STXBP4: variants seen among roughly 807,000 people sequenced by gnomAD.
STXBP4 encodes the protein syntaxin binding protein 4.
In STXBP4, 55 loss-of-function variants were observed where a neutral mutation model predicts 76.1. The observed-to-expected ratio is 0.72, with a 90% CI of 0.58 to 0.91. STXBP4 has a LOEUF of 0.91. Ranked by LOEUF, STXBP4 falls within the 40% of genes least tolerant of loss-of-function variation. The pLI is 0.00. For missense variants in STXBP4, 618 were observed against 636.9 expected (o/e 0.97, Z 0.32); for synonymous variants, 201 against 220.2 (o/e 0.91, Z 0.77).
At chr17:55,183,964 A>G in the STXBP4 span, among the ~76,000 whole-genome samples, 1 of 152,214 alleles carries the variant, frequency 6.6e-6, no homozygotes, top group African/African-American at 2.4e-5. Context: ...AGTTATGGAC[A>G]ATCTGAACAA....
intron 17 of STXBP4, 83 bp downstream of exon 17, chr17:55,141,450 T>A: frequency 8.3e-7 from 1 of 1,200,978 alleles, no homozygotes; most frequent in Non-Finnish European, 1.2e-6. Context: ...TCAGCAAAAC[T>A]AAGAAACCTT....
intron 12 of STXBP4, among the ~76,000 whole-genome samples, chr17:55,055,999 G>C (rs978020380): frequency 1.3e-5 from 2 of 152,128 alleles, no homozygotes; most frequent in African/African-American, 4.8e-5. Context: ...TGGATAAAGG[G>C]ATAAATGGAG....
chr17:55,185,245 T>TCTTCTTCTTCTC, the STXBP4 span, among the ~76,000 whole-genome samples: 6 of 57,910 alleles, frequency 1.0e-4, 2 homozygotes, highest in Non-Finnish European at 1.6e-4. Context: ...TTCTTCTTCT[T>TCTTCTTCTTCTC]CTTCTCCTTC....
chr17:55,057,464 A>G (rs2078941179), intron 12 of STXBP4, among the ~76,000 whole-genome samples: 1 of 152,360 alleles, frequency 6.6e-6, no homozygotes. Context: ...TTCAATATGT[A>G]TCATACAGTG....
chr17:55,056,945 A>G (rs530091940), intron 12 of STXBP4, among the ~76,000 whole-genome samples: 2 of 152,368 alleles, frequency 1.3e-5, no homozygotes, highest in South Asian at 2.1e-4. Flanking sequence ...TTCAGTTTTC[A>G]TAGCCAATTT....
chr17:55,199,491 G>A, the STXBP4 span, among the ~76,000 whole-genome samples: 1 of 152,110 alleles, frequency 6.6e-6, no homozygotes, highest in African/African-American at 2.4e-5. Flanking sequence ...AAAGACCATC[G>A]CCATCGTATT....
chr17:55,057,237 TA>T (rs1179705924), intron 12 of STXBP4, among the ~76,000 whole-genome samples: 1 of 152,258 alleles, frequency 6.6e-6, no homozygotes, highest in African/African-American at 2.4e-5. Context: ...TAATTGGAGT[TA>T]AAAGTACAGA....
At position 55,099,916 on chromosome 17, in the gene STXBP4, G is replaced by A. The variant is rs527760423; in HGVS notation, c.1489+18733G>A. ...TCGAAGATTATACCTTTTTTTCAGA[G>A]CAACACACCTTATAGAAGGGGAATA... On this transcript the variant is annotated intron_variant, in intron 16 of 17. Transcript: ENST00000376352. Among the ~76,000 whole-genome samples, 147 of 152,046 alleles carry A rather than the reference G, an allele frequency of 9.7e-4. 1 individual carries two copies. The highest frequency in any genetic ancestry group is 3.5e-3 in the African/African-American group (145 of 41,506).
At position 55,164,635 on chromosome 17, in the gene STXBP4, G is replaced by A. The variant is rs1472009784; in HGVS notation, c.*4724G>A. 2.7e-5 allele frequency: 4 copies of A among 150,182 alleles called. No individual in the cohort carries two copies. Among genetic ancestry groups the A allele is most frequent in the Admixed American group, 1.3e-4 (2 of 15,110 alleles). The allele number at this position is 150,182 out of a possible 1,614,324, so 9.3% of individuals were successfully genotyped here. A position where few individuals can be genotyped will look rare whatever the true frequency, so the allele number is the denominator to read the frequency against. On this transcript the variant is annotated 3_prime_UTR_variant, in exon 18 of 18. Coordinates refer to ENST00000376352, the MANE Select transcript of STXBP4 (RefSeq NM_178509.6). ...CCGGCTAATTTTTTTTGTATTTTTA[G>A]TAGAGACGGGGTTTCACCTTGTTAG...
At chr17:55,150,784 A>C (rs534642310) in intron 17 of STXBP4, among the ~76,000 whole-genome samples, 1 of 152,154 alleles carries the variant, frequency 6.6e-6, no homozygotes, top group Non-Finnish European at 1.5e-5. Context: ...GGCCCTCAAA[A>C]ATGTTCACAT....
At chr17:55,001,719 G>A (rs1381748561) in intron 7 of STXBP4, among the ~76,000 whole-genome samples, 2 of 151,856 alleles carry the variant, frequency 1.3e-5, no homozygotes, top group Non-Finnish European at 2.9e-5. Flanking sequence ...TCGAAGTTCC[G>A]CCTCCTGGGT....
intron 16 of STXBP4, among the ~76,000 whole-genome samples, chr17:55,110,334 A>C (rs1033407068): frequency 5.9e-5 from 9 of 152,238 alleles, no homozygotes; most frequent in African/African-American, 1.9e-4. Flanking sequence ...AAATAGTCAT[A>C]GTTTCCATGG....
chr17:54,969,791 C>G (rs2077361031), intron 1 of STXBP4, among the ~76,000 whole-genome samples: 1 of 152,166 alleles, frequency 6.6e-6, no homozygotes, highest in Non-Finnish European at 1.5e-5. Flanking sequence ...TGACACCAAT[C>G]GACCTGCTGG....
the STXBP4 span, among the ~76,000 whole-genome samples, chr17:55,182,333 A>G: frequency 5.3e-5 from 8 of 152,214 alleles, no homozygotes; most frequent in Non-Finnish European, 1.2e-4. Flanking sequence ...TAAGAACTCC[A>G]TGATGTGTTT....
chr17:55,002,394 G>A (rs537589322), intron 7 of STXBP4, among the ~76,000 whole-genome samples: 60 of 152,242 alleles, frequency 3.9e-4, no homozygotes, highest in Admixed American at 9.2e-4. Context: ...GATATTTTCT[G>A]TGAGATACTT....
At chr17:55,050,808 C>G (rs2078849731) in intron 12 of STXBP4, among the ~76,000 whole-genome samples, 1 of 152,066 alleles carries the variant, frequency 6.6e-6, no homozygotes, top group South Asian at 2.1e-4. Context: ...GCTGGGATTA[C>G]AGGTGTGCAC....
intron 1 of STXBP4, among the ~76,000 whole-genome samples, chr17:54,977,468 G>C (rs2077489404): frequency 6.6e-6 from 1 of 152,166 alleles, no homozygotes; most frequent in African/African-American, 2.4e-5. Context: ...AAATATAGGA[G>C]AGGATATGCA....
intron 16 of STXBP4, among the ~76,000 whole-genome samples, chr17:55,111,323 C>T (rs2079712291): frequency 6.6e-6 from 1 of 152,118 alleles, no homozygotes; most frequent in East Asian, 1.9e-4. Flanking sequence ...TACCACTCTT[C>T]CCCTGCTGAC....
intron 1 of STXBP4, among the ~76,000 whole-genome samples, chr17:54,977,117 A>G (rs916824652): frequency 6.6e-6 from 1 of 152,218 alleles, no homozygotes; most frequent in African/African-American, 2.4e-5. Context: ...AGTGAGCAAC[A>G]GGACCTAAAC....
Sources: gnomAD v4.1 joint callset for allele counts (sites outside exome capture counted in the v4.1 genomes callset) on GRCh38, gnomAD v4.1.1 for gene constraint, MANE v1.5 for transcripts, NCBI Gene and HGNC (gene_info 2026-07-23, HGNC 2026-07-21) for gene names.